SGCZ: variants seen among roughly 807,000 people sequenced by gnomAD.
SGCZ encodes the protein sarcoglycan zeta.
A neutral mutation model predicts 41.3 loss-of-function variants in SGCZ; 40 were observed. That is an observed-to-expected ratio of 0.97 (90% CI 0.75 to 1.26). The LOEUF (loss-of-function observed/expected upper bound fraction) is 1.26, where lower values mean the gene tolerates loss of function less well. Among genes scored for constraint, SGCZ ranks in the 50% most tolerant of loss-of-function variants. SGCZ has a pLI of 0.00. For synonymous variants in SGCZ, 206 were observed against 137.5 expected, an observed-to-expected ratio of 1.50 and a Z score of -3.49; for missense variants, 552 against 369.8, an observed-to-expected ratio of 1.49 and a Z score of -4.04.
At chr8:14,834,240 T>G (rs1376417030) in intron 1 of SGCZ, among the ~76,000 whole-genome samples, 1 of 152,214 alleles carries the variant, frequency 6.6e-6, no homozygotes, top group East Asian at 1.9e-4. Flanking sequence ...ATTACCTGAA[T>G]AGATTCTATG....
intron 3 of SGCZ, among the ~76,000 whole-genome samples, chr8:14,271,535 G>A (rs1563226044): frequency 6.6e-6 from 1 of 152,198 alleles, no homozygotes; most frequent in Non-Finnish European, 1.5e-5. Flanking sequence ...GTGGGTTCTG[G>A]AATTACAATT....
chr8:14,702,970 T>TAGATAGACAGAC (rs1481150630), intron 1 of SGCZ, among the ~76,000 whole-genome samples: 48 of 129,206 alleles, frequency 3.7e-4, no homozygotes, highest in South Asian at 9.9e-4. Context: ...GATAGATAGA[T>TAGATAGACAGAC]AGACAGACAG....
At chr8:14,981,511 T>A (rs774373440) in intron 1 of SGCZ, among the ~76,000 whole-genome samples, 1 of 152,178 alleles carries the variant, frequency 6.6e-6, no homozygotes, top group Non-Finnish European at 1.5e-5. Flanking sequence ...GCAATAAGAA[T>A]AATCATCAGC....
intron 4 of SGCZ, among the ~76,000 whole-genome samples, chr8:14,183,151 AC>A (rs1804785440): frequency 6.6e-6 from 1 of 152,202 alleles, no homozygotes; most frequent in Non-Finnish European, 1.5e-5. Context: ...TTTCATGGCA[AC>A]ATTATAAATC....
intron 5 of SGCZ, among the ~76,000 whole-genome samples, chr8:14,160,048 T>C (rs1338753912): frequency 6.6e-6 from 1 of 152,168 alleles, no homozygotes; most frequent in Non-Finnish European, 1.5e-5. Flanking sequence ...GCTAGGGCAC[T>C]GGGTAGATGC....
intron 1 of SGCZ, among the ~76,000 whole-genome samples, chr8:15,054,352 TCGC>T (rs1465540703): frequency 6.6e-6 from 1 of 152,152 alleles, no homozygotes; most frequent in African/African-American, 2.4e-5. Flanking sequence ...CACCTAAATA[TCGC>T]TCAGGCAGAA....
At chr8:14,766,149 C>T (rs1051350516) in intron 1 of SGCZ, among the ~76,000 whole-genome samples, 6 of 151,658 alleles carry the variant, frequency 4.0e-5, no homozygotes, top group African/African-American at 7.3e-5. Flanking sequence ...TTAGTAGAGA[C>T]GGGTTTCACC....
intron 1 of SGCZ, among the ~76,000 whole-genome samples, chr8:15,223,856 T>TTTATTTATTTATTTATTTATTTA (rs149761777): frequency 1.3e-5 from 2 of 149,684 alleles, no homozygotes; most frequent in African/African-American, 4.9e-5. Flanking sequence ...CTTTTTAAAT[T>TTTATTTATTTATTTATTTATTTA]TTTATTTATT....
At chr8:15,131,101 G>A (rs1434872777) in intron 1 of SGCZ, among the ~76,000 whole-genome samples, 2 of 152,134 alleles carry the variant, frequency 1.3e-5, no homozygotes, top group African/African-American at 4.8e-5. Context: ...TTACCAAGTA[G>A]AGTGACACAT....
At chr8:15,169,386 G>A (rs1309041823) in intron 1 of SGCZ, among the ~76,000 whole-genome samples, 2 of 152,138 alleles carry the variant, frequency 1.3e-5, no homozygotes, top group Non-Finnish European at 2.9e-5. Flanking sequence ...TGTGGAATCA[G>A]GGATTCCAAT....
chr8:14,212,159 C>G (rs970049861), intron 4 of SGCZ, among the ~76,000 whole-genome samples: 1 of 152,014 alleles, frequency 6.6e-6, no homozygotes, highest in African/African-American at 2.4e-5. Flanking sequence ...AAGGAGCAAT[C>G]CAGAACTAGC....
intron 1 of SGCZ, among the ~76,000 whole-genome samples, chr8:15,083,318 G>A (rs1416909982): frequency 6.6e-6 from 1 of 152,032 alleles, no homozygotes. Flanking sequence ...CATATAAACA[G>A]ATCATCTCTC....
At chr8:14,296,289 A>G (rs1260329361) in intron 3 of SGCZ, among the ~76,000 whole-genome samples, 2 of 152,186 alleles carry the variant, frequency 1.3e-5, no homozygotes, top group African/African-American at 2.4e-5. Context: ...ACTACTACAC[A>G]TGGAGAGAAG....
intron 2 of SGCZ, among the ~76,000 whole-genome samples, chr8:14,369,021 A>ATGTGTG (rs10655274): frequency 0.011 from 1,673 of 145,496 alleles, 25 homozygotes; most frequent in African/African-American, 0.028. Context: ...GCAAATGTAA[A>ATGTGTG]TGTGTGTGTG....
chr8:14,830,818 A>G (rs1317518983), intron 1 of SGCZ, among the ~76,000 whole-genome samples: 1 of 152,188 alleles, frequency 6.6e-6, no homozygotes, highest in Non-Finnish European at 1.5e-5. Context: ...GTATGCAATC[A>G]CACTAAACGA....
chr8:14,122,624 AT>A (rs1322116743), intron 5 of SGCZ, among the ~76,000 whole-genome samples: 1 of 152,232 alleles, frequency 6.6e-6, no homozygotes. Context: ...AAAAATGAAT[AT>A]TAAATATCCA....
At chr8:14,587,738 T>G (rs1259726686) in intron 1 of SGCZ, among the ~76,000 whole-genome samples, 1 of 152,194 alleles carries the variant, frequency 6.6e-6, no homozygotes, top group African/African-American at 2.4e-5. Flanking sequence ...TTAAATGATG[T>G]TCAATACTAA....
chr8:15,036,789 CA>C (rs530611311), intron 1 of SGCZ, among the ~76,000 whole-genome samples: 7 of 150,686 alleles, frequency 4.6e-5, no homozygotes, highest in East Asian at 3.9e-4. Context: ...AAGGACACTA[CA>C]AAAAAAAATT....
chr8:14,262,222 T>G (rs918070088), intron 3 of SGCZ, among the ~76,000 whole-genome samples: 3 of 152,134 alleles, frequency 2.0e-5, no homozygotes, highest in East Asian at 1.9e-4. Context: ...ATTAACAGGC[T>G]AAAAAGCAAG....
Sources: gnomAD v4.1 joint callset for allele counts (sites outside exome capture counted in the v4.1 genomes callset) on GRCh38, gnomAD v4.1.1 for gene constraint, MANE v1.5 for transcripts, NCBI Gene and HGNC (gene_info 2026-07-23, HGNC 2026-07-21) for gene names.